The following KIAA1671 variants were observed in gnomAD, a reference collection of about 807,000 sequenced individuals.
KIAA1671 encodes KIAA1671, also known as uncharacterized protein KIAA1671.
KIAA1671 carries 52 observed loss-of-function variants against 131.2 expected under a neutral mutation model. The observed-to-expected ratio is 0.40, with a 90% CI of 0.32 to 0.50. The LOEUF is 0.50. KIAA1671 is among the 20% of genes least tolerant of loss of function. The pLI, the probability that KIAA1671 is intolerant of heterozygous loss-of-function variation, is 0.73. For missense variants in KIAA1671, 2,360 were observed against 2,364.2 expected, an observed-to-expected ratio of 1.00 and a Z score of 0.04; for synonymous variants, 1,003 against 961.6, an observed-to-expected ratio of 1.04 and a Z score of -0.80.
chr22:25,168,387 G>A (rs1383288523), intron 6 of KIAA1671, among the ~76,000 whole-genome samples: 1 of 152,186 alleles, frequency 6.6e-6, no homozygotes, highest in Non-Finnish European at 1.5e-5. Context: ...GTTCTGCCTG[G>A]TACAATTGAT....
chr22:25,082,041 C>T (rs866751241), intron 6 of KIAA1671, among the ~76,000 whole-genome samples: 51 of 152,116 alleles, frequency 3.4e-4, no homozygotes, highest in African/African-American at 9.7e-4. Context: ...GATGCCCTCT[C>T]CGTGCCCTCT....
chr22:24,987,703 C>T (rs1365413903), intron 1 of KIAA1671, among the ~76,000 whole-genome samples: 1 of 152,198 alleles, frequency 6.6e-6, no homozygotes, highest in East Asian at 1.9e-4. Flanking sequence ...GCAATGCTCC[C>T]ACCTCAACCT....
At chr22:25,142,989 A>G (rs1932828131) in intron 6 of KIAA1671, among the ~76,000 whole-genome samples, 1 of 152,266 alleles carries the variant, frequency 6.6e-6, no homozygotes, top group Non-Finnish European at 1.5e-5. Context: ...TCTCAAACTC[A>G]GAGCTCTCCA....
chr22:25,028,003 G>C lies in KIAA1671; in HGVS notation c.4G>C (p.Ala2Pro). The C allele has an allele frequency of 1.6e-5, 24 of 1,478,534 alleles. No homozygotes were observed. The highest frequency in any genetic ancestry group is 2.2e-5 in the Non-Finnish European group (24 of 1,110,622). 91.6% of individuals were successfully genotyped at this position (1,478,534 alleles called of 1,614,324 possible). ...CCATGAATCCACAACCATAACCATG[G>C]CCACGCGGGTCGAGGTGGGCTCCAT... Reference protein sequence around the residue: MATRVEVGSITP... With the variant: MPTRVEVGSITP... The change falls in exon 3 of 13, where the codon GCC becomes CCC. Residue 2 changes from alanine (A) to proline (P), a missense_variant. Ala to Pro is a conservative substitution (Grantham distance 27, BLOSUM62 -1). Around this residue, in one of 3 missense-constraint regions of KIAA1671, gnomAD observed 1,185 missense variants for 1,126.2 expected, o/e 1.05. Coordinates refer to ENST00000358431, the MANE Select transcript of KIAA1671 (RefSeq NM_001145206.2).
chr22:25,078,172 G>T (rs985091561), intron 6 of KIAA1671, among the ~76,000 whole-genome samples: 1 of 152,186 alleles, frequency 6.6e-6, no homozygotes, highest in Non-Finnish European at 1.5e-5. Flanking sequence ...GGTTGCTTGT[G>T]TGTTTACCAC....
Position 25,188,335 on chromosome 22 carries a change from C to G in KIAA1671, c.5343-2367C>G. On this transcript the variant is annotated intron_variant, in intron 11 of 12. Coordinates refer to ENST00000358431, the MANE Select transcript of KIAA1671 (RefSeq NM_001145206.2). ...AAACAAACAGTTTAAACAAATCTCA[C>G]CTCCCCAAAACAATTATTGTTGACC... is the stretch of plus-strand genomic sequence containing the variant. Among the ~76,000 whole-genome samples the G allele has an allele frequency of 1.3e-5, 2 of 151,468 alleles. 1 individual carries two copies. Among genetic ancestry groups the G allele is most frequent in the South Asian group, 4.2e-4 (2 of 4,734 alleles).
intron 1 of KIAA1671, among the ~76,000 whole-genome samples, chr22:24,995,398 C>T (rs1050708485): frequency 6.6e-6 from 1 of 151,100 alleles, no homozygotes; most frequent in African/African-American, 2.4e-5. Flanking sequence ...TCACTCTCGC[C>T]CAGGCTGGAG....
intron 6 of KIAA1671, among the ~76,000 whole-genome samples, chr22:25,140,669 C>T (rs938604961): frequency 6.6e-6 from 1 of 152,172 alleles, no homozygotes; most frequent in African/African-American, 2.4e-5. Context: ...CAGCCACATG[C>T]AGTGAGCCGT....
At chr22:24,954,031 C>T (rs1350561668) in intron 1 of KIAA1671, among the ~76,000 whole-genome samples, 1 of 152,050 alleles carries the variant, frequency 6.6e-6, no homozygotes, top group African/African-American at 2.4e-5. Context: ...AGTATCAGTG[C>T]CTCCCTCAGT....
At chr22:25,170,967 GCAAA>G in intron 7 of KIAA1671, 29 bp downstream of exon 7, 1 of 1,534,912 alleles carries the variant, frequency 6.5e-7, no homozygotes, top group Non-Finnish European at 8.8e-7. Flanking sequence ...GATTCTGGCT[GCAAA>G]GGGGGCAGCT....
At chr22:25,139,975 A>G (rs540333439) in intron 6 of KIAA1671, among the ~76,000 whole-genome samples, 4 of 152,336 alleles carry the variant, frequency 2.6e-5, no homozygotes, top group East Asian at 1.9e-4. Flanking sequence ...TGGCAGTGCA[A>G]TTGATTAGTA....
At chr22:25,163,368 T>G (rs1349322111) in intron 6 of KIAA1671, among the ~76,000 whole-genome samples, 2 of 133,656 alleles carry the variant, frequency 1.5e-5, no homozygotes, top group African/African-American at 5.7e-5. Context: ...TTTTTTTACA[T>G]TTTCTAGTTT....
chr22:25,156,215 T>C (rs1933236562), intron 6 of KIAA1671, among the ~76,000 whole-genome samples: 1 of 151,266 alleles, frequency 6.6e-6, no homozygotes, highest in African/African-American at 2.4e-5. Flanking sequence ...TTAGTAGAGA[T>C]GGGGTTTCAC....
chr22:25,056,986 ACCATCCCATTATCCGTCTT>A (rs1335253244), intron 6 of KIAA1671: 1 of 152,144 alleles, frequency 6.6e-6, no homozygotes, highest in East Asian at 1.9e-4. Context: ...CTGTGCAAAC[ACCATCCCATTATCCGTCTT>A]CATACTCCCC....
At chr22:25,161,601 A>G (rs937149660) in intron 6 of KIAA1671, among the ~76,000 whole-genome samples, 14 of 152,338 alleles carry the variant, frequency 9.2e-5, no homozygotes, top group African/African-American at 3.4e-4. Context: ...CCCCGGCTTT[A>G]TCTTCAGAGT....
chr22:25,052,817 A>G (rs1927611381), intron 6 of KIAA1671: 1 of 152,104 alleles, frequency 6.6e-6, no homozygotes, highest in Non-Finnish European at 1.5e-5. Flanking sequence ...CCCGGGTTCA[A>G]GTGATTCTCG....
chr22:25,090,378 C>T (rs1040879030), intron 6 of KIAA1671, among the ~76,000 whole-genome samples: 1 of 152,262 alleles, frequency 6.6e-6, no homozygotes, highest in Non-Finnish European at 1.5e-5. Flanking sequence ...GCTGGGACCC[C>T]ACCCTAAACA....
intron 6 of KIAA1671, chr22:25,064,273 C>G (rs1341959500): frequency 6.6e-6 from 1 of 152,202 alleles, no homozygotes; most frequent in Non-Finnish European, 1.5e-5. Flanking sequence ...GTTGGCCAGG[C>G]TGGTCTCAAA....
intron 6 of KIAA1671, among the ~76,000 whole-genome samples, chr22:25,131,773 G>A (rs1316681267): frequency 6.6e-6 from 1 of 152,256 alleles, no homozygotes; most frequent in Non-Finnish European, 1.5e-5. Context: ...CAGGTTGGGA[G>A]CAGGCTGGTT....
Sources: gnomAD v4.1 joint callset for allele counts (sites outside exome capture counted in the v4.1 genomes callset) on GRCh38, gnomAD v4.1.1 for gene constraint, gnomAD v4.1.1 regional missense constraint, MANE v1.5 for transcripts, NCBI Gene and HGNC (gene_info 2026-07-23, HGNC 2026-07-21) for gene names.